EPB41: variants seen among roughly 807,000 people sequenced by gnomAD.
EPB41 encodes the protein protein 4.1.
A neutral mutation model predicts 108.0 loss-of-function variants in EPB41; 65 were observed. The ratio of observed to expected loss-of-function variants is 0.60; its 90% CI spans 0.49 to 0.74. EPB41 has a LOEUF of 0.74. EPB41 is among the 30% of genes least tolerant of loss of function. The pLI, the probability that EPB41 is intolerant of heterozygous loss-of-function variation, is 0.00. For synonymous variants in EPB41, 336 were observed against 358.9 expected (o/e 0.94, Z 0.72); for missense variants, 875 against 1,037.0 (o/e 0.84, Z 2.15).
At chr1:28,915,963 C>T (rs2092627591) in intron 1 of EPB41, among the ~76,000 whole-genome samples, 1 of 152,062 alleles carries the variant, frequency 6.6e-6, no homozygotes, top group Admixed American at 6.6e-5. Context: ...TAATCAAAAG[C>T]AGGATATATA....
intron 2 of EPB41, among the ~76,000 whole-genome samples, chr1:28,990,189 G>A (rs1470960744): frequency 4.1e-5 from 6 of 145,336 alleles, no homozygotes; most frequent in Admixed American, 1.4e-4. Context: ...CCGAGATCAC[G>A]CCACTGCACT....
At chr1:29,054,459 C>T (rs1265972541) in intron 12 of EPB41, 2 of 150,262 alleles carry the variant, frequency 1.3e-5, no homozygotes, top group African/African-American at 4.9e-5. Context: ...GATGGATTAA[C>T]CTTGTTCTTT....
chr1:28,964,623 AAATAAAAT>A (rs924529032), intron 1 of EPB41, among the ~76,000 whole-genome samples: 19 of 147,416 alleles, frequency 1.3e-4, no homozygotes, highest in African/African-American at 5.1e-4. Flanking sequence ...ATAAATAAAT[AAATAAAAT>A]AAATAAATAA....
rs540203950 is a variant in EPB41, at chr1:29,082,194, G to A, written c.2185-15613G>A. ...GGCTGGAGTGCAGTGGTGTGATCTCGGCTCACTGCAACCTCCGCCTCCCGA... is the reference window on the plus strand; with the variant it reads ...GGCTGGAGTGCAGTGGTGTGATCTCAGCTCACTGCAACCTCCGCCTCCCGA... On this transcript the variant is annotated intron_variant, in intron 16 of 20. Coordinates refer to ENST00000343067, the MANE Select transcript of EPB41 (RefSeq NM_001376013.1). 9.2e-5 allele frequency among the ~76,000 whole-genome samples: 14 copies of A among 151,812 alleles called. No individual in the cohort carries two copies. The South Asian group carries it at 2.5e-3, about 27-fold the overall frequency.
chr1:29,061,598 T>TTTTTTTTTTG (rs1646582569), intron 15 of EPB41, among the ~76,000 whole-genome samples: 3 of 145,168 alleles, frequency 2.1e-5, no homozygotes, highest in African/African-American at 7.7e-5. Context: ...TTTTTTTTTT[T>TTTTTTTTTTG]GAGGCGGGTC....
At chr1:28,934,109 T>G (rs917665322) in intron 1 of EPB41, among the ~76,000 whole-genome samples, 1 of 152,198 alleles carries the variant, frequency 6.6e-6, no homozygotes, top group Non-Finnish European at 1.5e-5. Context: ...CTTGCTTTGT[T>G]TTTGATGATC....
intron 4 of EPB41, among the ~76,000 whole-genome samples, chr1:29,000,253 C>A (rs148934207): frequency 6.6e-6 from 1 of 152,136 alleles, no homozygotes; most frequent in Non-Finnish European, 1.5e-5. Flanking sequence ...CATGCATCAC[C>A]ATGCCTGTCT....
At chr1:29,089,398 T>A (rs1472425807) in intron 16 of EPB41, among the ~76,000 whole-genome samples, 2 of 152,222 alleles carry the variant, frequency 1.3e-5, no homozygotes, top group East Asian at 3.8e-4. Flanking sequence ...ACTGAGCATC[T>A]ATTACATACC....
chr1:28,990,462 C>T (rs1015631934), intron 2 of EPB41, among the ~76,000 whole-genome samples: 2 of 150,858 alleles, frequency 1.3e-5, no homozygotes, highest in African/African-American at 4.9e-5. Flanking sequence ...TCTCTGTCAC[C>T]CAGACTAGAA....
At chr1:28,925,260 G>A (rs1255755357) in intron 1 of EPB41, among the ~76,000 whole-genome samples, 1 of 152,028 alleles carries the variant, frequency 6.6e-6, no homozygotes. Context: ...ACCGCGCCTG[G>A]CCATTCTGGC....
At chr1:29,017,648 A>C (rs1312596256) in intron 6 of EPB41, among the ~76,000 whole-genome samples, 1 of 152,218 alleles carries the variant, frequency 6.6e-6, no homozygotes, top group Non-Finnish European at 1.5e-5. Context: ...TATCCTAGTG[A>C]AAATGTCAGT....
At chr1:28,898,947 G>A (rs1371307384) in intron 1 of EPB41, among the ~76,000 whole-genome samples, 1 of 152,200 alleles carries the variant, frequency 6.6e-6, no homozygotes, top group African/African-American at 2.4e-5. Flanking sequence ...TGAAGAGTGT[G>A]ATGTTCAGTA....
rs533940828 is a variant in EPB41, at chr1:29,096,539, C to G, written c.2185-1268C>G. On this transcript the variant is annotated intron_variant, in intron 16 of 20. Transcript: ENST00000343067. ...TACACCAGGAGAGCCACCTGGAAAA[C>G]AAAATGGATCATTTCTTGACTTTCA... is the stretch of plus-strand genomic sequence containing the variant. The G allele has an allele frequency of 2.0e-5, 20 of 985,820 alleles. No individual in the cohort carries two copies. The African/African-American group carries it at 3.5e-4, about 17-fold the overall frequency. 61.1% of individuals were successfully genotyped at this position (985,820 alleles called of 1,614,324 possible).
chr1:28,935,702 T>C (rs1208203102), intron 1 of EPB41, among the ~76,000 whole-genome samples: 4 of 151,760 alleles, frequency 2.6e-5, no homozygotes, highest in Admixed American at 2.6e-4. Context: ...AGGCAGACCA[T>C]GCGGTCATGA....
intron 11 of EPB41, among the ~76,000 whole-genome samples, chr1:29,045,835 G>T (rs1056787910): frequency 6.8e-6 from 1 of 146,936 alleles, no homozygotes; most frequent in East Asian, 2.1e-4. Flanking sequence ...AATTAGCTGA[G>T]CATGGTAGTG....
chr1:29,075,521 T>C (rs879334872), intron 16 of EPB41, among the ~76,000 whole-genome samples: 1 of 152,158 alleles, frequency 6.6e-6, no homozygotes, highest in Admixed American at 6.5e-5. Context: ...TCTTACCCTT[T>C]AACATAGAAT....
intron 11 of EPB41, among the ~76,000 whole-genome samples, chr1:29,043,608 C>T (rs1055036625): frequency 5.9e-5 from 9 of 151,966 alleles, no homozygotes; most frequent in Non-Finnish European, 4.4e-5. Context: ...AATGAAGGGG[C>T]GAGGAGTACA....
chr1:29,106,381 T>G (rs1044341457), intron 17 of EPB41, among the ~76,000 whole-genome samples: 4 of 152,080 alleles, frequency 2.6e-5, no homozygotes, highest in African/African-American at 9.7e-5. Flanking sequence ...TTTGTATAAT[T>G]TCTTTGTATG....
chr1:28,894,756 T>A (rs1248747035), intron 1 of EPB41, among the ~76,000 whole-genome samples: 1 of 152,124 alleles, frequency 6.6e-6, no homozygotes, highest in Non-Finnish European at 1.5e-5. Flanking sequence ...ATCACAACAC[T>A]TTCCCCGCAT....
Sources: gnomAD v4.1 joint callset for allele counts (sites outside exome capture counted in the v4.1 genomes callset) on GRCh38, gnomAD v4.1.1 for gene constraint, MANE v1.5 for transcripts, NCBI Gene and HGNC (gene_info 2026-07-23, HGNC 2026-07-21) for gene names.